The following AGMO variants were observed in gnomAD, a reference collection of about 807,000 sequenced individuals.
The protein encoded by AGMO is glyceryl-ether monooxygenase.
AGMO carries 75 observed loss-of-function variants against 60.2 expected under a neutral mutation model. That is an observed-to-expected ratio of 1.25 (90% CI 1.03 to 1.51). The LOEUF is 1.51. Among genes scored for constraint, AGMO ranks in the 40% most tolerant of loss-of-function variants. AGMO has a pLI of 0.00. For synonymous variants in AGMO, 261 were observed against 177.1 expected (o/e 1.47, Z -3.76); for missense variants, 763 against 525.5 (o/e 1.45, Z -4.42).
At chr7:15,461,269 T>G (rs1782134069) in intron 3 of AGMO, among the ~76,000 whole-genome samples, 1 of 151,850 alleles carries the variant, frequency 6.6e-6, no homozygotes, top group South Asian at 2.1e-4. Flanking sequence ...ATAAAGATAA[T>G]CATAAATATT....
chr7:15,188,670 T>C, the AGMO span, among the ~76,000 whole-genome samples: 3 of 152,282 alleles, frequency 2.0e-5, no homozygotes, highest in Admixed American at 2.0e-4. Context: ...GATTAGAGTA[T>C]GTGGAAACGA....
intron 12 of AGMO, among the ~76,000 whole-genome samples, chr7:15,238,580 T>G (rs2128502009): frequency 6.6e-6 from 1 of 151,680 alleles, no homozygotes; most frequent in South Asian, 2.1e-4. Context: ...ATTTTAAAAA[T>G]TTTAATTTTT....
chr7:15,387,372 C>T, intron 9 of AGMO, 34 bp downstream of exon 9: 2 of 1,603,630 alleles, frequency 1.2e-6, no homozygotes, highest in Non-Finnish European at 1.7e-6. Context: ...ATGAGACAAT[C>T]TTCACCATCT....
At chr7:15,263,297 T>C (rs922025787) in intron 12 of AGMO, among the ~76,000 whole-genome samples, 17 of 151,850 alleles carry the variant, frequency 1.1e-4, no homozygotes, top group African/African-American at 4.1e-4. Flanking sequence ...CAAGAAGATA[T>C]ACAAATGGCC....
chr7:15,236,322 A>C (rs2128501094), intron 12 of AGMO, among the ~76,000 whole-genome samples: 1 of 152,284 alleles, frequency 6.6e-6, no homozygotes, highest in African/African-American at 2.4e-5. Flanking sequence ...TTTACATTAA[A>C]CTACATAAAA....
chr7:15,166,796 G>C, the AGMO span, among the ~76,000 whole-genome samples: 1 of 152,110 alleles, frequency 6.6e-6, no homozygotes. Flanking sequence ...AAGTAGAGGA[G>C]TCCAGGATGA....
the AGMO span, among the ~76,000 whole-genome samples, chr7:15,126,377 T>C: frequency 5.7e-4 from 86 of 152,076 alleles, no homozygotes; most frequent in African/African-American, 2.0e-3. Context: ...TAGAGCATGA[T>C]TATTGGCTAA....
At chr7:15,560,322 AT>A (rs1239207629) in intron 1 of AGMO, 51 bp from the exon 2 acceptor site, 1 of 1,568,994 alleles carries the variant, frequency 6.4e-7, no homozygotes, top group African/African-American at 1.4e-5. Flanking sequence ...ATATGAAATT[AT>A]TTTACATTTC....
intron 12 of AGMO, among the ~76,000 whole-genome samples, chr7:15,280,930 G>A (rs1028416660): frequency 3.9e-5 from 6 of 152,276 alleles, no homozygotes; most frequent in East Asian, 1.9e-4. Flanking sequence ...GTTGGGATAC[G>A]TGAGGATAGG....
At chr7:15,490,738 T>C (rs183485843) in intron 3 of AGMO, among the ~76,000 whole-genome samples, 33 of 152,124 alleles carry the variant, frequency 2.2e-4, no homozygotes, top group Admixed American at 1.1e-3. Flanking sequence ...AAGAGGAAAA[T>C]TGATATAAGA....
chr7:15,147,624 C>T, the AGMO span, among the ~76,000 whole-genome samples: 12 of 152,114 alleles, frequency 7.9e-5, no homozygotes, highest in Non-Finnish European at 1.5e-4. Flanking sequence ...AATGGATTTC[C>T]TTGGCCAGAA....
chr7:15,332,632 T>C (rs1001469226), intron 12 of AGMO, among the ~76,000 whole-genome samples: 2 of 152,082 alleles, frequency 1.3e-5, no homozygotes, highest in African/African-American at 4.8e-5. Flanking sequence ...CATGTAAGAT[T>C]TTCACTGTAT....
chr7:15,487,269 G>T (rs565479622), intron 3 of AGMO, among the ~76,000 whole-genome samples: 12 of 152,164 alleles, frequency 7.9e-5, no homozygotes, highest in Non-Finnish European at 7.4e-5. Flanking sequence ...CACTTAAAAT[G>T]TATATTATAA....
At chr7:15,296,502 GCCAT>G (rs1164240042) in intron 12 of AGMO, among the ~76,000 whole-genome samples, 1 of 152,114 alleles carries the variant, frequency 6.6e-6, no homozygotes, top group East Asian at 1.9e-4. Context: ...TGCTCACAGT[GCCAT>G]CCTTTCCAAG....
At chr7:15,486,509 G>C (rs1217769981) in intron 3 of AGMO, among the ~76,000 whole-genome samples, 1 of 151,916 alleles carries the variant, frequency 6.6e-6, no homozygotes, top group Non-Finnish European at 1.5e-5. Flanking sequence ...AATTACATAA[G>C]AGAAAAAATA....
chr7:15,361,125 G>A (rs900308741), intron 12 of AGMO, among the ~76,000 whole-genome samples: 6 of 152,094 alleles, frequency 3.9e-5, no homozygotes, highest in South Asian at 4.1e-4. Context: ...CTTAGAAGCA[G>A]CGTCTCTCCA....
chr7:15,253,034 G>C (rs1413180851), intron 12 of AGMO, among the ~76,000 whole-genome samples: 3 of 152,190 alleles, frequency 2.0e-5, no homozygotes, highest in African/African-American at 7.2e-5. Context: ...AAAGAGTAGT[G>C]AAATTAAATT....
At chr7:15,483,613 T>A (rs1337713697) in intron 3 of AGMO, among the ~76,000 whole-genome samples, 1 of 151,748 alleles carries the variant, frequency 6.6e-6, no homozygotes, top group Non-Finnish European at 1.5e-5. Flanking sequence ...AACCATAAAA[T>A]TTCTAGGACT....
chr7:15,531,539 A>ATATATATTCTATATATATTCTCTC (rs1562557536), intron 3 of AGMO, among the ~76,000 whole-genome samples: 1 of 19,068 alleles, frequency 5.2e-5, no homozygotes, highest in Non-Finnish European at 9.2e-5. Context: ...TATATTCTCT[A>ATATATATTCTATATATATTCTCTC]TATATATTCT....
Sources: allele counts gnomAD v4.1 joint callset (sites outside exome capture counted in the v4.1 genomes callset), GRCh38; gene constraint gnomAD v4.1.1; transcripts MANE v1.5; gene names NCBI Gene and HGNC (gene_info 2026-07-23, HGNC 2026-07-21).